Variants in MAPKAP1 observed in about 807,000 individuals in gnomAD.
MAPKAP1 encodes the protein MAPK associated protein 1, also known as target of rapamycin complex 2 subunit MAPKAP1.
A neutral mutation model predicts 65.7 loss-of-function variants in MAPKAP1; 20 were observed. The ratio of observed to expected loss-of-function variants is 0.30; its 90% CI spans 0.21 to 0.44. The LOEUF is 0.44. Among genes scored for constraint, MAPKAP1 ranks in the 20% least tolerant of loss-of-function variants. MAPKAP1 has a pLI of 1.00. For missense variants in MAPKAP1, 423 were observed against 648.0 expected, an observed-to-expected ratio of 0.65 and a Z score of 3.77; for synonymous variants, 222 against 244.3, an observed-to-expected ratio of 0.91 and a Z score of 0.85.
At chr9:125,684,195 T>C (rs1247786546) in intron 1 of MAPKAP1, among the ~76,000 whole-genome samples, 1 of 152,182 alleles carries the variant, frequency 6.6e-6, no homozygotes, top group Non-Finnish European at 1.5e-5. Context: ...CCCAAATCAT[T>C]TGTGAAGTTG....
intron 4 of MAPKAP1, among the ~76,000 whole-genome samples, chr9:125,637,880 C>G (rs1271320480): frequency 1.3e-5 from 2 of 152,198 alleles, no homozygotes; most frequent in Admixed American, 1.3e-4. Flanking sequence ...TCAAACGATT[C>G]TACTGCCTCA....
intron 4 of MAPKAP1, among the ~76,000 whole-genome samples, chr9:125,623,097 G>A (rs1414649583): frequency 6.7e-6 from 1 of 148,558 alleles, no homozygotes; most frequent in Non-Finnish European, 1.5e-5. Context: ...TTCACTCAGT[G>A]CTCAATGGTG....
chr9:125,661,601 G>C (rs1011831852), intron 3 of MAPKAP1, among the ~76,000 whole-genome samples: 1 of 151,822 alleles, frequency 6.6e-6, no homozygotes, highest in Non-Finnish European at 1.5e-5. Context: ...TCTAAAAAGG[G>C]GATATAAATA....
At chr9:125,532,924 CAG>C (rs1169918302) in intron 7 of MAPKAP1, among the ~76,000 whole-genome samples, 1 of 152,122 alleles carries the variant, frequency 6.6e-6, no homozygotes, top group East Asian at 1.9e-4. Flanking sequence ...AATCAGGTAA[CAG>C]AAGTTCTCAA....
intron 3 of MAPKAP1, among the ~76,000 whole-genome samples, chr9:125,660,686 A>C (rs1196093082): frequency 1.3e-5 from 2 of 152,106 alleles, no homozygotes; most frequent in African/African-American, 4.8e-5. Context: ...TAGGCCAAAA[A>C]CCTGGGAGTC....
intron 1 of MAPKAP1, among the ~76,000 whole-genome samples, chr9:125,685,414 G>A (rs1381273610): frequency 6.6e-6 from 1 of 152,206 alleles, no homozygotes; most frequent in Non-Finnish European, 1.5e-5. Flanking sequence ...ACTGCTCAAG[G>A]AGCAGCAAGG....
At chr9:125,667,857 T>C (rs930501233) in intron 3 of MAPKAP1, among the ~76,000 whole-genome samples, 1 of 152,158 alleles carries the variant, frequency 6.6e-6, no homozygotes, top group African/African-American at 2.4e-5. Context: ...TTAAGATATA[T>C]AAAAAATTTG....
chr9:125,628,680 C>T (rs1296757913), intron 4 of MAPKAP1, among the ~76,000 whole-genome samples: 1 of 152,244 alleles, frequency 6.6e-6, no homozygotes, highest in East Asian at 1.9e-4. Flanking sequence ...TGGAATATGA[C>T]ACCAAAAGCA....
At chr9:125,567,128 C>T (rs1363122142) in intron 5 of MAPKAP1, among the ~76,000 whole-genome samples, 4 of 152,178 alleles carry the variant, frequency 2.6e-5, no homozygotes, top group Non-Finnish European at 5.9e-5. Flanking sequence ...TTCTCAAATA[C>T]TCCCAGAATC....
At chr9:125,549,558 C>A (rs966115697) in intron 6 of MAPKAP1, among the ~76,000 whole-genome samples, 1 of 152,138 alleles carries the variant, frequency 6.6e-6, no homozygotes, top group African/African-American at 2.4e-5. Flanking sequence ...TGGGAGCATG[C>A]GATGTTTGAC....
intron 6 of MAPKAP1, among the ~76,000 whole-genome samples, chr9:125,554,107 T>C (rs1039249179): frequency 2.0e-5 from 3 of 152,028 alleles, no homozygotes; most frequent in African/African-American, 7.3e-5. Flanking sequence ...GCAGCTAGAG[T>C]TATTTAACAT....
rs138204816 is a variant in MAPKAP1, at chr9:125,573,678, C to T, written c.671+11877G>A. On this transcript the variant is annotated intron_variant, in intron 5 of 11. Coordinates refer to ENST00000265960, the MANE Select transcript of MAPKAP1 (RefSeq NM_001006617.3). ...CCTGTAACAATCCCACTCTGTTCTC[C>T]CTGTTCTTTGTGCTCCAGTCACACT... Among the ~76,000 whole-genome samples the T allele has an allele frequency of 3.3e-3, 507 of 152,266 alleles. 1 individual carries two copies. Among genetic ancestry groups the T allele is most frequent in the African/African-American group, 0.011 (466 of 41,554 alleles).
At chr9:125,550,007 G>C (rs1426011531) in intron 6 of MAPKAP1, among the ~76,000 whole-genome samples, 4 of 152,228 alleles carry the variant, frequency 2.6e-5, no homozygotes, top group African/African-American at 7.2e-5. Context: ...GTGGCTAACA[G>C]TTTGCCTTGG....
intron 11 of MAPKAP1, among the ~76,000 whole-genome samples, chr9:125,443,702 C>T (rs1486492417): frequency 6.9e-6 from 1 of 144,020 alleles, no homozygotes; most frequent in Non-Finnish European, 1.5e-5. Context: ...GCCAGCTCCC[C>T]CAGCCCCCCC....
intron 4 of MAPKAP1, among the ~76,000 whole-genome samples, chr9:125,594,084 C>T (rs527352881): frequency 6.6e-6 from 1 of 152,346 alleles, no homozygotes; most frequent in African/African-American, 2.4e-5. Context: ...AAATCTCTCT[C>T]CTTCCCATGC....
intron 8 of MAPKAP1, among the ~76,000 whole-genome samples, chr9:125,500,351 C>CT (rs34872033): frequency 0.031 from 4,174 of 136,496 alleles, 78 homozygotes; most frequent in Middle Eastern, 0.069. Flanking sequence ...CCATCCCTGG[C>CT]TTTTTTTTTT....
intron 4 of MAPKAP1, among the ~76,000 whole-genome samples, chr9:125,656,465 T>C (rs1057272443): frequency 2.6e-5 from 4 of 152,166 alleles, no homozygotes; most frequent in African/African-American, 7.2e-5. Context: ...ATGCATTTTG[T>C]TTCTAGTTTT....
intron 4 of MAPKAP1, among the ~76,000 whole-genome samples, chr9:125,607,211 G>T (rs1308842356): frequency 1.3e-5 from 2 of 152,088 alleles, no homozygotes; most frequent in Admixed American, 1.3e-4. Context: ...AATTTCATAG[G>T]GTTTCAACAA....
intron 10 of MAPKAP1, among the ~76,000 whole-genome samples, chr9:125,460,906 G>A (rs1853470385): frequency 6.6e-6 from 1 of 152,220 alleles, no homozygotes; most frequent in Non-Finnish European, 1.5e-5. Context: ...CACTGGTGAT[G>A]ACTGGACAGA....
Sources: allele counts gnomAD v4.1 joint callset (sites outside exome capture counted in the v4.1 genomes callset), GRCh38; gene constraint gnomAD v4.1.1; transcripts MANE v1.5; gene names NCBI Gene and HGNC (gene_info 2026-07-23, HGNC 2026-07-21).